The following PLCL1 variants were observed in gnomAD, a reference collection of about 807,000 sequenced individuals.
PLCL1 encodes the protein inactive phospholipase C-like protein 1.
In PLCL1, 41 loss-of-function variants were observed where a neutral mutation model predicts 84.4. The observed-to-expected ratio is 0.49, with a 90% CI of 0.38 to 0.63. The LOEUF (loss-of-function observed/expected upper bound fraction) is 0.63, where lower values mean the gene tolerates loss of function less well. PLCL1 is among the 30% of genes least tolerant of loss of function. The pLI, the probability that PLCL1 is intolerant of heterozygous loss-of-function variation, is 0.00. For missense variants in PLCL1, 1,206 were observed against 1,367.8 expected, an observed-to-expected ratio of 0.88 and a Z score of 1.87; for synonymous variants, 490 against 488.3, an observed-to-expected ratio of 1.00 and a Z score of -0.05.
intron 4 of PLCL1, 26 bp downstream of exon 4, chr2:198,101,386 GTTTTTTTTTTCTA>G: frequency 9.0e-7 from 1 of 1,105,014 alleles, no homozygotes; most frequent in Non-Finnish European, 1.3e-6. Flanking sequence ...TTTTTTTTCT[GTTTTTTTTTTCTA>G]TTTTGTTTGG....
chr2:197,868,754 G>T (rs762001380), intron 1 of PLCL1, among the ~76,000 whole-genome samples: 6 of 149,480 alleles, frequency 4.0e-5, no homozygotes, highest in Non-Finnish European at 7.4e-5. Context: ...AGATTCAAGT[G>T]ATCCACCCAC....
At chr2:198,023,541 A>G (rs935714889) in intron 1 of PLCL1, among the ~76,000 whole-genome samples, 2 of 152,260 alleles carry the variant, frequency 1.3e-5, no homozygotes, top group Non-Finnish European at 2.9e-5. Context: ...AGGAACTTAA[A>G]CAAATTTACA....
In PLCL1 at chr2:197,902,356, C is replaced by G. The variant is rs528720351; in HGVS notation, c.240+97017C>G. ...GAAGTTAGGTACTCAGAGTGGTTTCCGGTCATTCATGCTACTTGGTCATCC... is the reference window on the plus strand; with the variant it reads ...GAAGTTAGGTACTCAGAGTGGTTTCGGGTCATTCATGCTACTTGGTCATCC... On this transcript the variant is annotated intron_variant, in intron 1 of 5. Coordinates refer to ENST00000428675, the MANE Select transcript of PLCL1 (RefSeq NM_006226.4). Among the ~76,000 whole-genome samples, 112 of 152,172 alleles carry G rather than the reference C, an allele frequency of 7.4e-4. 1 individual carries two copies. Among genetic ancestry groups the G allele is most frequent in the African/African-American group, 2.6e-3 (110 of 41,522 alleles).
intron 5 of PLCL1, among the ~76,000 whole-genome samples, chr2:198,135,508 G>A (rs567536642): frequency 2.0e-4 from 31 of 152,294 alleles, no homozygotes; most frequent in Non-Finnish European, 2.8e-4. Flanking sequence ...CAAAATGACT[G>A]CAAGAAAATT....
At chr2:198,129,098 G>A (rs1440946016) in intron 5 of PLCL1, among the ~76,000 whole-genome samples, 2 of 152,112 alleles carry the variant, frequency 1.3e-5, no homozygotes, top group African/African-American at 4.8e-5. Flanking sequence ...GAAAAATCAA[G>A]TATTTTACCC....
At chr2:198,117,338 C>CT (rs5837581) in intron 5 of PLCL1, among the ~76,000 whole-genome samples, 112,847 of 140,538 alleles carry the variant, frequency 0.8, 46,219 homozygotes, top group East Asian at 1. Context: ...TTTTTTTTTT[C>CT]TTTTTTTTTT....
chr2:198,019,867 C>T (rs1016917091), intron 1 of PLCL1, among the ~76,000 whole-genome samples: 1 of 152,050 alleles, frequency 6.6e-6, no homozygotes, highest in Non-Finnish European at 1.5e-5. Flanking sequence ...GCCAACATTC[C>T]AATTCAGGAA....
intron 1 of PLCL1, among the ~76,000 whole-genome samples, chr2:197,828,694 T>C (rs1232300006): frequency 6.6e-6 from 1 of 152,212 alleles, no homozygotes; most frequent in Non-Finnish European, 1.5e-5. Context: ...ATCAATTTTA[T>C]AATTGTATAC....
intron 1 of PLCL1, among the ~76,000 whole-genome samples, chr2:198,034,835 G>A (rs972884937): frequency 1.3e-4 from 20 of 152,168 alleles, no homozygotes; most frequent in African/African-American, 4.8e-4. Flanking sequence ...ACTTAGATCA[G>A]TTCTTCGGTA....
intron 1 of PLCL1, among the ~76,000 whole-genome samples, chr2:197,880,036 G>A (rs1687802385): frequency 1.3e-5 from 2 of 152,170 alleles, no homozygotes; most frequent in South Asian, 2.1e-4. Flanking sequence ...GAATTAGAAT[G>A]CATAAAAGCT....
At chr2:198,044,155 A>G (rs1050896466) in intron 1 of PLCL1, among the ~76,000 whole-genome samples, 2 of 152,020 alleles carry the variant, frequency 1.3e-5, no homozygotes, top group Non-Finnish European at 1.5e-5. Context: ...GTTTTATCTC[A>G]CTTTGGTGAG....
At chr2:197,941,915 C>T (rs1295877107) in intron 1 of PLCL1, among the ~76,000 whole-genome samples, 2 of 152,068 alleles carry the variant, frequency 1.3e-5, no homozygotes, top group Non-Finnish European at 1.5e-5. Context: ...TTAGTCATGA[C>T]CTCCCAGGTT....
At chr2:198,107,535 G>A (rs1693505457) in intron 5 of PLCL1, among the ~76,000 whole-genome samples, 1 of 151,928 alleles carries the variant, frequency 6.6e-6, no homozygotes, top group Non-Finnish European at 1.5e-5. Flanking sequence ...GTAAGTCACA[G>A]TGCACAAAAC....
At chr2:197,882,551 G>A (rs547213906) in intron 1 of PLCL1, among the ~76,000 whole-genome samples, 1 of 151,762 alleles carries the variant, frequency 6.6e-6, no homozygotes, top group African/African-American at 2.4e-5. Flanking sequence ...AGCACTCAAG[G>A]GAGTTTTGTT....
At chr2:197,831,434 T>C (rs936170049) in intron 1 of PLCL1, among the ~76,000 whole-genome samples, 1 of 152,112 alleles carries the variant, frequency 6.6e-6, no homozygotes, top group Non-Finnish European at 1.5e-5. Flanking sequence ...GGGCATTATA[T>C]AATGGTAAAG....
intron 5 of PLCL1, among the ~76,000 whole-genome samples, chr2:198,117,374 T>C (rs1693770527): frequency 6.6e-6 from 1 of 151,640 alleles, no homozygotes; most frequent in Admixed American, 6.6e-5. Context: ...CTTCACTTTT[T>C]TGTAAGCAAA....
At chr2:198,107,078 A>G (rs1479442083) in intron 5 of PLCL1, among the ~76,000 whole-genome samples, 1 of 151,906 alleles carries the variant, frequency 6.6e-6, no homozygotes, top group Non-Finnish European at 1.5e-5. Flanking sequence ...TTGTCTCACA[A>G]TTCAGCATGG....
At chr2:198,100,905 C>G (rs80220678) in intron 3 of PLCL1, among the ~76,000 whole-genome samples, 1,662 of 152,122 alleles carry the variant, frequency 0.011, 15 homozygotes, top group African/African-American at 0.021. Flanking sequence ...TATTCTGGTT[C>G]TCATTGCTAT....
intron 5 of PLCL1, among the ~76,000 whole-genome samples, chr2:198,131,360 C>T (rs1694114505): frequency 1.3e-5 from 2 of 152,202 alleles, no homozygotes; most frequent in South Asian, 4.1e-4. Context: ...TCCCACAGAA[C>T]TCTGCTATTC....
Sources: gnomAD v4.1 joint callset for allele counts (sites outside exome capture counted in the v4.1 genomes callset) on GRCh38, gnomAD v4.1.1 for gene constraint, MANE v1.5 for transcripts, NCBI Gene and HGNC (gene_info 2026-07-23, HGNC 2026-07-21) for gene names.